Variants in ETV6 observed in about 807,000 individuals in gnomAD.
The protein encoded by ETV6 is ETS variant transcription factor 6.
A neutral mutation model predicts 51.1 loss-of-function variants in ETV6; 16 were observed. That is an observed-to-expected ratio of 0.31 (90% confidence interval 0.21 to 0.48). The LOEUF (loss-of-function observed/expected upper bound fraction) is 0.48. Among genes scored for constraint, ETV6 ranks in the 20% least tolerant of loss-of-function variants. The probability of loss-of-function intolerance (pLI) is 0.99; values close to 1 mark genes in which losing one functional copy is unlikely to be tolerated. For missense variants in ETV6, 458 were observed against 594.8 expected (o/e 0.77, Z 2.39); for synonymous variants, 240 against 224.1 (o/e 1.07, Z -0.64).
intron 2 of ETV6, among the ~76,000 whole-genome samples, chr12:11,788,760 T>G (rs984700407): frequency 1.4e-4 from 21 of 149,790 alleles, no homozygotes; most frequent in African/African-American, 7.6e-5. Flanking sequence ...GTATTGGTTT[T>G]TTTTTTTTTT....
rs12809673 is a variant in ETV6 at position 11,874,167 on chromosome 12, G to T, written c.1009+4198G>T. 3.2e-5 allele frequency among the ~76,000 whole-genome samples: 3 copies of T among 95,154 alleles called. 1 individual carries two copies. The highest frequency in any genetic ancestry group is 5.9e-5 in the Non-Finnish European group (3 of 50,792). The allele number at this position is 95,154 out of a possible 152,430, so 62.4% of individuals were successfully genotyped here. The stretch of plus-strand genomic sequence containing the variant: ...AAGGCTGGCAGATCACCTGAGGTCA[G>T]GATTTCGAGACCAGCCTGGCCAACA... On this transcript the variant is annotated intron_variant, in intron 5 of 7. Transcript: ENST00000396373.
In ETV6 at chr12:11,869,601, C is replaced by A; in HGVS notation, c.641C>A (p.Pro214Gln). Residue 214 changes from proline (P) to glutamine (Q), a missense_variant, in exon 5 of 8, where the codon CCG becomes CAG. By Grantham distance (76) the Pro-to-Gln change is moderately conservative (BLOSUM62 -1). Transcript: ENST00000396373. This position sits in a 1 kb window ranked among gnomAD's most constrained non-coding sequence, Gnocchi z 5.0. The stretch of plus-strand genomic sequence containing the variant: ...GACAACATGATCCGCCGCCTCTCCC[C>A]GGCTGAGAGAGCTCAGGGACCCAGG... ...PLDNMIRRLS[P>Q]AERAQGPRPH... 1 of 1,614,184 alleles carries A rather than the reference C, an allele frequency of 6.2e-7. No individual in the cohort carries two copies. Among genetic ancestry groups the A allele is most frequent in the Non-Finnish European group, 8.5e-7 (1 of 1,180,036 alleles).
At chr12:11,773,920 G>C (rs543041045) in intron 2 of ETV6, among the ~76,000 whole-genome samples, 1 of 152,338 alleles carries the variant, frequency 6.6e-6, no homozygotes, top group African/African-American at 2.4e-5. Context: ...AGTGCTGCCT[G>C]CTGCTGCGCT....
At chr12:11,796,929 A>G (rs1278617750) in intron 2 of ETV6, among the ~76,000 whole-genome samples, 1 of 152,088 alleles carries the variant, frequency 6.6e-6, no homozygotes, top group African/African-American at 2.4e-5. Context: ...TGGGACCACA[A>G]GCATGCCGCA....
At chr12:11,706,104 C>T (rs898215325) in intron 1 of ETV6, among the ~76,000 whole-genome samples, 1 of 152,226 alleles carries the variant, frequency 6.6e-6, no homozygotes, top group African/African-American at 2.4e-5. Flanking sequence ...AGCGAACGTT[C>T]CTTCTGTTGA....
At chr12:11,752,402 T>C (rs776782851) in intron 1 of ETV6, 48 bp from the exon 2 acceptor site, 16 of 1,578,818 alleles carry the variant, frequency 1.0e-5, no homozygotes, top group Non-Finnish European at 1.3e-5. Context: ...ATTCCAAGCT[T>C]TCATTGTCTC....
At chr12:11,837,780 G>A (rs760467280) in intron 2 of ETV6, among the ~76,000 whole-genome samples, 6 of 152,204 alleles carry the variant, frequency 3.9e-5, no homozygotes, top group Non-Finnish European at 8.8e-5. Flanking sequence ...TGATTTTAGA[G>A]AATGAAGATC....
chr12:11,728,200 C>T (rs1865525734), intron 1 of ETV6, among the ~76,000 whole-genome samples: 1 of 152,232 alleles, frequency 6.6e-6, no homozygotes, highest in African/African-American at 2.4e-5. Flanking sequence ...TCTACTCCTT[C>T]TTCAAGCTGG....
chr12:11,866,876 C>A lies in ETV6; in HGVS notation c.464-2548C>A, dbSNP rs1270606216. Among the ~76,000 whole-genome samples the A allele has an allele frequency of 5.3e-5, 8 of 152,340 alleles. No individual in the cohort carries two copies. The East Asian group carries it at 1.5e-3, about 29-fold the overall frequency. On this transcript the variant is annotated intron_variant, in intron 4 of 7. Coordinates refer to ENST00000396373, the MANE Select transcript of ETV6 (RefSeq NM_001987.5). ...TACATGCCAATTTAATCACTCTCCC[C>A]TCTGTGGCTCCCACTGTATGGGATT...
chr12:11,732,264 C>T (rs1255069155), intron 1 of ETV6, among the ~76,000 whole-genome samples: 1 of 152,138 alleles, frequency 6.6e-6, no homozygotes, highest in African/African-American at 2.4e-5. Context: ...ACCCTTTTCC[C>T]CTTTACTGCA....
chr12:11,785,312 A>G (rs1945470449), intron 2 of ETV6, among the ~76,000 whole-genome samples: 1 of 152,118 alleles, frequency 6.6e-6, no homozygotes, highest in African/African-American at 2.4e-5. Context: ...TCCTTCAGAG[A>G]TATCTGCTGA....
At chr12:11,808,970 C>T (rs1945870560) in intron 2 of ETV6, among the ~76,000 whole-genome samples, 1 of 152,112 alleles carries the variant, frequency 6.6e-6, no homozygotes, top group Admixed American at 6.6e-5. Flanking sequence ...TGGAGACGAG[C>T]CTGGCCAACA....
rs59373097 is a variant in ETV6 at position 11,760,878 on chromosome 12, ATGTGTG to A, written c.163+8325_163+8330del. Among the ~76,000 whole-genome samples the A allele has an allele frequency of 5.9e-3, 877 of 148,510 alleles. 7 individuals are homozygous for A. Among genetic ancestry groups the A allele is most frequent in the African/African-American group, 0.017 (684 of 39,998 alleles). On this transcript the variant is annotated intron_variant, in intron 2 of 7. Transcript: ENST00000396373. ...AATGATCACTACTATTATTATATATATGTGTGTGTGTGTGTGTGTGTGTGTGTGTGT... is the reference window on the plus strand; with the variant it reads ...AATGATCACTACTATTATTATATATATGTGTGTGTGTGTGTGTGTGTGTGT...
chr12:11,689,988 A>G (rs1864721809), intron 1 of ETV6, among the ~76,000 whole-genome samples: 1 of 152,022 alleles, frequency 6.6e-6, no homozygotes, highest in South Asian at 2.1e-4. Flanking sequence ...TCGGTGTCAC[A>G]AGCATGGATT....
intron 2 of ETV6, among the ~76,000 whole-genome samples, chr12:11,774,127 A>C (rs983147460): frequency 6.6e-6 from 1 of 152,224 alleles, no homozygotes; most frequent in African/African-American, 2.4e-5. Context: ...GATCTCAGAA[A>C]GGGGAGGAAA....
chr12:11,759,700 T>C (rs1334219443), intron 2 of ETV6, among the ~76,000 whole-genome samples: 1 of 152,174 alleles, frequency 6.6e-6, no homozygotes, highest in Non-Finnish European at 1.5e-5. Context: ...GGAGTTCCTG[T>C]CCATGAGCTC....
chr12:11,823,469 C>CT (rs756553588), intron 2 of ETV6, among the ~76,000 whole-genome samples: 6,143 of 137,476 alleles, frequency 0.045, 247 homozygotes, highest in African/African-American at 0.11. Context: ...TCCTTTTTTT[C>CT]TTTTTTTTTT....
At chr12:11,870,248 C>T (rs878895742) in intron 5 of ETV6, among the ~76,000 whole-genome samples, 6 of 152,046 alleles carry the variant, frequency 3.9e-5, no homozygotes, top group Non-Finnish European at 7.4e-5. Flanking sequence ...CAAGGCTAAG[C>T]GAAAACATTT....
chr12:11,777,995 C>T (rs892687158), intron 2 of ETV6, among the ~76,000 whole-genome samples: 5 of 152,158 alleles, frequency 3.3e-5, no homozygotes, highest in Non-Finnish European at 5.9e-5. Context: ...CAGCAGGACT[C>T]GGCTCACCCT....
Sources: allele counts gnomAD v4.1 joint callset (sites outside exome capture counted in the v4.1 genomes callset), GRCh38; gene constraint gnomAD v4.1.1; non-coding constraint Gnocchi (gnomAD v3.1); transcripts MANE v1.5; gene names NCBI Gene and HGNC (gene_info 2026-07-23, HGNC 2026-07-21).